LRMDA: variants seen among roughly 807,000 people sequenced by gnomAD.
LRMDA encodes leucine-rich melanocyte differentiation-associated protein.
LRMDA carries 18 observed loss-of-function variants against 29.8 expected under a neutral mutation model. The ratio of observed to expected loss-of-function variants is 0.60; its 90% CI spans 0.42 to 0.90. The LOEUF is 0.90. Ranked by LOEUF, LRMDA falls within the 40% of genes least tolerant of loss-of-function variation. The pLI is 0.00. For synonymous variants in LRMDA, 125 were observed against 109.4 expected, an observed-to-expected ratio of 1.14 and a Z score of -0.89; for missense variants, 273 against 273.9, an observed-to-expected ratio of 1.00 and a Z score of 0.02.
chr10:76,515,723 T>C (rs2132355890), intron 6 of LRMDA, among the ~76,000 whole-genome samples: 1 of 152,278 alleles, frequency 6.6e-6, no homozygotes, highest in South Asian at 2.1e-4. Context: ...CAGGCTGGTC[T>C]TGAACTCCTG....
intron 2 of LRMDA, among the ~76,000 whole-genome samples, chr10:75,541,477 C>T (rs1840014595): frequency 6.8e-6 from 1 of 146,222 alleles, no homozygotes; most frequent in Non-Finnish European, 1.5e-5. Flanking sequence ...CTGATTTATT[C>T]AGAAATTTAC....
At chr10:76,021,306 C>G (rs1197946149) in intron 2 of LRMDA, among the ~76,000 whole-genome samples, 2 of 152,120 alleles carry the variant, frequency 1.3e-5, no homozygotes, top group East Asian at 3.9e-4. Context: ...GGGGGCATTT[C>G]AAGTGAAGAT....
chr10:75,881,518 G>A (rs1845293086), intron 2 of LRMDA, among the ~76,000 whole-genome samples: 1 of 152,126 alleles, frequency 6.6e-6, no homozygotes, highest in South Asian at 2.1e-4. Flanking sequence ...CTGCATGGCA[G>A]ATGGAAAATT....
chr10:75,809,808 T>G (rs1480783243), intron 2 of LRMDA, among the ~76,000 whole-genome samples: 1 of 152,190 alleles, frequency 6.6e-6, no homozygotes, highest in Non-Finnish European at 1.5e-5. Context: ...TGTGAACCAT[T>G]CAGGAGGTCA....
intron 2 of LRMDA, among the ~76,000 whole-genome samples, chr10:75,967,687 C>T (rs1453290659): frequency 1.3e-5 from 2 of 151,626 alleles, no homozygotes; most frequent in African/African-American, 2.4e-5. Context: ...ATGAAGCCAG[C>T]GAAATGGCTA....
intron 2 of LRMDA, among the ~76,000 whole-genome samples, chr10:75,801,429 A>G (rs1237121314): frequency 2.0e-5 from 3 of 152,170 alleles, no homozygotes; most frequent in Non-Finnish European, 4.4e-5. Context: ...TTAAACATAG[A>G]TATCACCCAA....
intron 6 of LRMDA, among the ~76,000 whole-genome samples, chr10:76,347,638 A>G (rs1252523161): frequency 6.6e-6 from 1 of 152,206 alleles, no homozygotes; most frequent in Non-Finnish European, 1.5e-5. Flanking sequence ...CGAGTGCAGC[A>G]CTGGAAAAAT....
intron 5 of LRMDA, among the ~76,000 whole-genome samples, chr10:76,107,645 C>A (rs948051401): frequency 6.6e-6 from 1 of 152,188 alleles, no homozygotes; most frequent in Admixed American, 6.5e-5. Flanking sequence ...GTTTCCTCCC[C>A]CTTGGTCCTT....
At chr10:75,600,537 T>C (rs1294676996) in intron 2 of LRMDA, among the ~76,000 whole-genome samples, 1 of 152,166 alleles carries the variant, frequency 6.6e-6, no homozygotes, top group Non-Finnish European at 1.5e-5. Flanking sequence ...CTGGCTCTTG[T>C]TGAAGAGGAA....
intron 2 of LRMDA, among the ~76,000 whole-genome samples, chr10:75,927,186 CTT>C (rs1290931385): frequency 5.9e-5 from 9 of 152,216 alleles, no homozygotes; most frequent in Non-Finnish European, 1.5e-5. Context: ...CACAAGCCAA[CTT>C]ATCTGAGACA....
chr10:76,506,645 C>T (rs551103054), intron 6 of LRMDA, among the ~76,000 whole-genome samples: 99 of 152,168 alleles, frequency 6.5e-4, no homozygotes, highest in African/African-American at 2.3e-3. Context: ...TTTTCTCAAC[C>T]TCTGTTAACC....
In LRMDA at chr10:75,599,904, A is replaced by G. The variant is rs564298333; in HGVS notation, c.131+161410A>G. Among the ~76,000 whole-genome samples, 13 of 152,338 alleles carry G rather than the reference A, an allele frequency of 8.5e-5. No homozygotes were observed. The East Asian group carries it at 2.1e-3, about 25-fold the overall frequency. ...GTAGGATGTAGAAATGAGTGGTGAC[A>G]AGAGTCAGGACTTGCACTGCAAGCC... On this transcript the variant is annotated intron_variant, in intron 2 of 6. Coordinates refer to ENST00000611255, the MANE Select transcript of LRMDA (RefSeq NM_001305581.2).
chr10:75,564,805 G>C (rs1021653142), intron 2 of LRMDA, among the ~76,000 whole-genome samples: 5 of 152,202 alleles, frequency 3.3e-5, no homozygotes, highest in Non-Finnish European at 7.3e-5. Context: ...ACCATGGTAT[G>C]GGGTGAGGCC....
intron 2 of LRMDA, among the ~76,000 whole-genome samples, chr10:75,737,354 T>G (rs994279203): frequency 4.6e-5 from 7 of 152,230 alleles, no homozygotes; most frequent in African/African-American, 1.4e-4. Flanking sequence ...TGGCATTCCC[T>G]GAGCCTTGTG....
intron 6 of LRMDA, among the ~76,000 whole-genome samples, chr10:76,549,519 G>A (rs1843468943): frequency 6.6e-6 from 1 of 152,164 alleles, no homozygotes. Context: ...CAGGTATGGT[G>A]CATCCTAACC....
intron 2 of LRMDA, among the ~76,000 whole-genome samples, chr10:75,855,601 T>C (rs895301952): frequency 6.6e-6 from 1 of 152,168 alleles, no homozygotes. Context: ...GGCTTTTGTT[T>C]CCATTGCTTT....
rs545312540 is a variant in LRMDA at position 76,011,395 on chromosome 10, G to T, written c.132-24613G>T. Reference sequence around the variant, plus strand: ...AAAATACTGAATGCCAGGATGAGGGGTGTGGGAATGTGGCCATCTCGTCTC... The same window carrying T: ...AAAATACTGAATGCCAGGATGAGGGTTGTGGGAATGTGGCCATCTCGTCTC... On this transcript the variant is annotated intron_variant, in intron 2 of 6. Transcript: ENST00000611255. 3.9e-5 allele frequency among the ~76,000 whole-genome samples: 6 copies of T among 152,306 alleles called. No homozygotes were observed. The South Asian group carries it at 1.2e-3, about 32-fold the overall frequency.
At chr10:76,016,310 C>T (rs1425955674) in intron 2 of LRMDA, among the ~76,000 whole-genome samples, 2 of 150,832 alleles carry the variant, frequency 1.3e-5, no homozygotes, top group Non-Finnish European at 1.5e-5. Flanking sequence ...AGGTATATTA[C>T]TCATTGCCCT....
chr10:76,369,004 G>A (rs908123981), intron 6 of LRMDA, among the ~76,000 whole-genome samples: 2 of 152,074 alleles, frequency 1.3e-5, no homozygotes, highest in African/African-American at 4.8e-5. Context: ...TATGTGTTGG[G>A]TGAGTCTCCT....
Sources: gnomAD v4.1 joint callset for allele counts (sites outside exome capture counted in the v4.1 genomes callset) on GRCh38, gnomAD v4.1.1 for gene constraint, MANE v1.5 for transcripts, NCBI Gene and HGNC (gene_info 2026-07-23, HGNC 2026-07-21) for gene names.